PTBP2: variants seen among roughly 807,000 people sequenced by gnomAD.
PTBP2 encodes polypyrimidine tract binding protein 2.
Under a neutral mutation model 61.4 loss-of-function variants are expected in PTBP2, and 13 were observed. The observed-to-expected ratio is 0.21, with a 90% CI of 0.14 to 0.34. PTBP2 has a LOEUF of 0.34. PTBP2 is among the 10% of genes least tolerant of loss of function. PTBP2 has a pLI of 1.00. For missense variants in PTBP2, 405 were observed against 642.6 expected (o/e 0.63, Z 4.00); for synonymous variants, 215 against 218.5 (o/e 0.98, Z 0.14).
rs759349763 is a variant in PTBP2 at position 96,770,921 on chromosome 1, A to G, written c.432+70A>G. ...ATGAATCTCATAAACATTAATAGGA[A>G]GGAAATGTTTACCTGTTCAGATGTT... On this transcript the variant is annotated intron_variant, in intron 5 of 13. Transcript: ENST00000674951. 11 of 1,338,194 alleles carry G rather than the reference A, an allele frequency of 8.2e-6. No individual in the cohort carries two copies. In the African/African-American group the frequency reaches 1.6e-4, roughly 20 times the overall value. 82.9% of individuals were successfully genotyped at this position (1,338,194 alleles called of 1,614,324 possible).
intron 11 of PTBP2, 83 bp from the exon 12 acceptor site, chr1:96,812,629 A>G: frequency 8.8e-7 from 1 of 1,135,176 alleles, no homozygotes; most frequent in Non-Finnish European, 1.2e-6. Flanking sequence ...GAAAATTCAA[A>G]TTTTTAAACT....
chr1:96,726,326 G>A (rs1650507080), intron 2 of PTBP2, among the ~76,000 whole-genome samples: 1 of 147,462 alleles, frequency 6.8e-6, no homozygotes, highest in Non-Finnish European at 1.5e-5. Context: ...AGGCTGGAGT[G>A]CAGTGGCATG....
At chr1:96,727,078 A>T (rs1019837397) in intron 2 of PTBP2, among the ~76,000 whole-genome samples, 8 of 152,002 alleles carry the variant, frequency 5.3e-5, no homozygotes, top group Non-Finnish European at 1.0e-4. Context: ...TTCTTTCCCC[A>T]AGGAACCACT....
In PTBP2 at chr1:96,762,575, G is replaced by A. The variant is rs1293380086; in HGVS notation, c.116-7128G>A. ...CCCCGACCTCCTTCCCGGACGGGGC[G>A]GCTGGCCGGGCAGAGGGGCTCCTCA... On this transcript the variant is annotated intron_variant, in intron 3 of 13. Transcript: ENST00000674951. Among the ~76,000 whole-genome samples the A allele has an allele frequency of 6.2e-5, 9 of 145,552 alleles. No individual in the cohort carries two copies. The East Asian group carries it at 1.1e-3, about 17-fold the overall frequency.
At chr1:96,739,717 C>T (rs997579615) in intron 2 of PTBP2, among the ~76,000 whole-genome samples, 1 of 150,502 alleles carries the variant, frequency 6.6e-6, no homozygotes, top group Non-Finnish European at 1.5e-5. Flanking sequence ...AGCTCCACCA[C>T]CCGGGTTCAC....
intron 2 of PTBP2, among the ~76,000 whole-genome samples, chr1:96,726,658 C>CT (rs1254704750): frequency 2.0e-5 from 3 of 152,212 alleles, no homozygotes; most frequent in Admixed American, 1.3e-4. Flanking sequence ...AGGATAGTCT[C>CT]TATCTCCTGA....
chr1:96,740,221 CAG>C (rs1229122063), intron 2 of PTBP2, among the ~76,000 whole-genome samples: 2 of 152,122 alleles, frequency 1.3e-5, no homozygotes, highest in Admixed American at 6.6e-5. Flanking sequence ...ACTTAAAAAA[CAG>C]AGATTCGTTT....
chr1:96,797,682 G>A (rs1461454057), intron 8 of PTBP2, among the ~76,000 whole-genome samples: 2 of 151,864 alleles, frequency 1.3e-5, no homozygotes, highest in African/African-American at 4.8e-5. Flanking sequence ...TATAGTGTTT[G>A]CATGTGACCT....
rs1659968969 is a variant in PTBP2, at chr1:96,792,613, GAT to G, written c.904+7362_904+7363del. ...AGCTTGCTTTTTTTTTACATACTAA[GAT>G]ATTTTTTGTTACCAAGTCCATTAAG... On this transcript the variant is annotated intron_variant, in intron 8 of 13. Transcript: ENST00000674951. Among the ~76,000 whole-genome samples, 3 of 151,760 alleles carry G rather than the reference GAT, an allele frequency of 2.0e-5. No individual in the cohort carries two copies. The South Asian group carries it at 6.2e-4, about 31-fold the overall frequency.
intron 2 of PTBP2, among the ~76,000 whole-genome samples, chr1:96,736,663 T>C (rs1263900858): frequency 1.3e-5 from 2 of 152,130 alleles, no homozygotes; most frequent in East Asian, 1.9e-4. Flanking sequence ...AAATACATTA[T>C]GTGTGTTGCC....
chr1:96,743,739 G>T (rs1653364523), intron 2 of PTBP2, among the ~76,000 whole-genome samples: 1 of 152,024 alleles, frequency 6.6e-6, no homozygotes, highest in East Asian at 1.9e-4. Flanking sequence ...TAGTATCGTC[G>T]CAACAGCAAA....
rs145287484 is a variant in PTBP2, at chr1:96,776,397, G to A, written c.433-1188G>A. Among the ~76,000 whole-genome samples, 697 of 150,620 alleles carry A rather than the reference G, an allele frequency of 4.6e-3. 5 individuals carry two copies. The highest frequency in any genetic ancestry group is 0.016 in the African/African-American group (645 of 41,156). On this transcript the variant is annotated intron_variant, in intron 5 of 13. Transcript: ENST00000674951. The stretch of plus-strand genomic sequence containing the variant: ...ATTTCAAAATGTTGAGTTTTAATTA[G>A]TAAGTCATTTTGACTAATACATAAA...
chr1:96,755,031 A>G (rs1437800509), intron 3 of PTBP2, among the ~76,000 whole-genome samples: 1 of 152,260 alleles, frequency 6.6e-6, no homozygotes, highest in Non-Finnish European at 1.5e-5. Flanking sequence ...CATTCAAAAG[A>G]AACTGCTAGG....
chr1:96,779,134 A>G (rs914565666), intron 7 of PTBP2, among the ~76,000 whole-genome samples: 2 of 152,014 alleles, frequency 1.3e-5, no homozygotes, highest in African/African-American at 4.8e-5. Context: ...GTATAATCTA[A>G]TCTTACTGTG....
intron 7 of PTBP2, among the ~76,000 whole-genome samples, chr1:96,780,788 G>A (rs890112798): frequency 6.6e-6 from 1 of 151,936 alleles, no homozygotes; most frequent in Non-Finnish European, 1.5e-5. Flanking sequence ...AGAACCTGGC[G>A]GACTAATGAA....
chr1:96,764,871 T>C (rs1486109379), intron 3 of PTBP2, among the ~76,000 whole-genome samples: 1 of 152,332 alleles, frequency 6.6e-6, no homozygotes, highest in East Asian at 1.9e-4. Flanking sequence ...TCTGTGTTTT[T>C]CCAGCTCATG....
rs66475516 is a variant in PTBP2, at chr1:96,813,661, CTTTTT to C, written c.*273_*277del. 38,102 of 122,550 alleles carry C rather than the reference CTTTTT, an allele frequency of 0.31. 3,835 individuals are homozygous for C. The highest frequency in any genetic ancestry group is 0.48 in the South Asian group (1,706 of 3,574). 7.6% of individuals were successfully genotyped at this position (122,550 alleles called of 1,614,324 possible). ...TGTTTAAAATTTCAGTTTAATTTTG[CTTTTT>C]TTTTTTTTTTTTTTTTCCTTTCAAC... On this transcript the variant is annotated 3_prime_UTR_variant, in exon 14 of 14. Transcript: ENST00000674951.
rs749066340 is a variant in PTBP2 at position 96,777,923 on chromosome 1, G to C, written c.685G>C (p.Val229Leu). Residue 229 changes from valine (V) to leucine (L), a missense_variant, in exon 7 of 14, where the codon GTA (valine) becomes CTA (leucine). This residue lies in a region of PTBP2 where 342 missense variants were observed against 491.2 expected (regional missense o/e 0.70). Transcript: ENST00000674951. ...FQALLQYGDP[V>L]NAQQAKLALD... ...AGCTTTGCTCCAGTATGGTGATCCA[G>C]TAAATGCTCAACAAGCAAAACTAGT... 12 of 1,572,510 alleles carry C rather than the reference G, an allele frequency of 7.6e-6. 1 individual carries two copies. In the South Asian group the frequency reaches 1.4e-4, roughly 18 times the overall value.
chr1:96,784,926 A>G (rs1379593274), intron 7 of PTBP2, 133 bp from the exon 8 acceptor site: 1 of 676,646 alleles, frequency 1.5e-6, no homozygotes, highest in South Asian at 2.3e-5. Context: ...AATTTGATAT[A>G]TGAAATTTGA....
Sources: gnomAD v4.1 joint callset for allele counts (sites outside exome capture counted in the v4.1 genomes callset) on GRCh38, gnomAD v4.1.1 for gene constraint, gnomAD v4.1.1 regional missense constraint, MANE v1.5 for transcripts, NCBI Gene and HGNC (gene_info 2026-07-23, HGNC 2026-07-21) for gene names.